Variants in ZMIZ1 observed in about 807,000 individuals in gnomAD.
ZMIZ1 encodes the protein zinc finger MIZ-type containing 1.
In ZMIZ1, 17 loss-of-function variants were observed where a neutral mutation model predicts 113.9. The ratio of observed to expected loss-of-function variants is 0.15; its 90% CI spans 0.10 to 0.22. ZMIZ1 has a LOEUF of 0.22. Among genes scored for constraint, ZMIZ1 ranks in the 10% least tolerant of loss-of-function variants. ZMIZ1 has a pLI of 1.00. For missense variants in ZMIZ1, 1,059 were observed against 1,477.8 expected, an observed-to-expected ratio of 0.72 and a Z score of 4.65; for synonymous variants, 607 against 603.1, an observed-to-expected ratio of 1.01 and a Z score of -0.09.
chr10:79,300,582 A>C, intron 16 of ZMIZ1, 150 bp from the exon 17 acceptor site: 2 of 1,019,372 alleles, frequency 2.0e-6, no homozygotes, highest in Non-Finnish European at 2.8e-6. Flanking sequence ...AGGAGAACTC[A>C]GGCTGGGGGA....
chr10:79,147,983 C>T (rs11591689), intron 3 of ZMIZ1, among the ~76,000 whole-genome samples: 29,527 of 152,172 alleles, frequency 0.19, 3,136 homozygotes, highest in Non-Finnish European at 0.23. Flanking sequence ...AGGCCTTCAT[C>T]GAGGTTTGTC....
rs771063014 is a variant in ZMIZ1 at position 79,299,156 on chromosome 10, C to T, written c.1773C>T (p.His591=). ...HNLAVSNHVF[H]LRPTVHQTLM... is the part of the protein sequence containing the mutation. Reference sequence around the variant, plus strand: ...TGGCGGTCAGCAACCATGTGTTCCACCTGCGGCCCACGGTCCACCAGACGC... The same window carrying T: ...TGGCGGTCAGCAACCATGTGTTCCATCTGCGGCCCACGGTCCACCAGACGC... The change falls in exon 16 of 25, where the codon CAC becomes CAT. Residue 591 remains histidine, a synonymous_variant. Transcript: ENST00000334512. The T allele has an allele frequency of 6.2e-7, 1 of 1,609,912 alleles. No individual in the cohort carries two copies. Among genetic ancestry groups the T allele is most frequent in the Non-Finnish European group, 8.5e-7 (1 of 1,179,804 alleles).
intron 4 of ZMIZ1, among the ~76,000 whole-genome samples, chr10:79,167,984 G>C (rs1846428319): frequency 6.6e-6 from 1 of 152,142 alleles, no homozygotes; most frequent in Admixed American, 6.5e-5. Flanking sequence ...TTACTCCCCA[G>C]AGCCTGGCCC....
At chr10:79,252,467 CT>C (rs917457934) in intron 7 of ZMIZ1, among the ~76,000 whole-genome samples, 1 of 152,120 alleles carries the variant, frequency 6.6e-6, no homozygotes, top group African/African-American at 2.4e-5. Context: ...ATGGTACCCC[CT>C]GGGCTCTTAC....
At chr10:79,088,898 C>T (rs1360793446) in intron 1 of ZMIZ1, among the ~76,000 whole-genome samples, 1 of 152,206 alleles carries the variant, frequency 6.6e-6, no homozygotes, top group Admixed American at 6.5e-5. Flanking sequence ...ACTGTCGCAG[C>T]ACCCCTCTGA....
chr10:79,160,416 G>T (rs1251546199), intron 3 of ZMIZ1, among the ~76,000 whole-genome samples: 2 of 152,244 alleles, frequency 1.3e-5, no homozygotes, highest in East Asian at 3.8e-4. Context: ...GGTCATCCAT[G>T]CATCAGCTGA....
intron 3 of ZMIZ1, among the ~76,000 whole-genome samples, chr10:79,154,251 C>G (rs764341918): frequency 6.6e-6 from 1 of 152,136 alleles, no homozygotes; most frequent in Non-Finnish European, 1.5e-5. Flanking sequence ...GTGTCCCCTT[C>G]TCTGTAGGGT....
At chr10:79,144,150 C>G (rs1017695879) in intron 3 of ZMIZ1, among the ~76,000 whole-genome samples, 4 of 152,186 alleles carry the variant, frequency 2.6e-5, no homozygotes, top group Non-Finnish European at 4.4e-5. Flanking sequence ...TTTCTTTAAG[C>G]CTGTCCCTAT....
chr10:79,304,743 T>C (rs1406197745), intron 19 of ZMIZ1, among the ~76,000 whole-genome samples: 1 of 152,190 alleles, frequency 6.6e-6, no homozygotes, highest in Non-Finnish European at 1.5e-5. Context: ...CAAAGAATGC[T>C]GTGGGCAAGA....
At chr10:79,256,102 C>T (rs1850884589) in intron 7 of ZMIZ1, among the ~76,000 whole-genome samples, 1 of 152,228 alleles carries the variant, frequency 6.6e-6, no homozygotes, top group South Asian at 2.1e-4. Flanking sequence ...CTGCCTGCCA[C>T]CTTCCTCCCC....
At chr10:79,276,036 G>T (rs1165682876) in intron 7 of ZMIZ1, among the ~76,000 whole-genome samples, 1 of 152,094 alleles carries the variant, frequency 6.6e-6, no homozygotes, top group Admixed American at 6.5e-5. Context: ...CTTCCATAAC[G>T]CTCAGGTCAC....
At chr10:79,130,218 A>G (rs997151939) in intron 2 of ZMIZ1, among the ~76,000 whole-genome samples, 1 of 151,964 alleles carries the variant, frequency 6.6e-6, no homozygotes, top group Non-Finnish European at 1.5e-5. Flanking sequence ...TTCCCCCATC[A>G]CCTTGCATAA....
At chr10:79,303,078 T>C (rs1854436355) in intron 18 of ZMIZ1, among the ~76,000 whole-genome samples, 1 of 151,856 alleles carries the variant, frequency 6.6e-6, no homozygotes, top group African/African-American at 2.4e-5. Flanking sequence ...GCCAGGATGG[T>C]CACAATCTCC....
chr10:79,269,171 G>A lies in ZMIZ1; in HGVS notation c.281-8010G>A, dbSNP rs35895542. Reference sequence around the variant, plus strand: ...GCAGCTCCCATGCCCAGTCTCCCCCGCTGCGGAGTGGCGCCACTCTCACTG... The same window carrying A: ...GCAGCTCCCATGCCCAGTCTCCCCCACTGCGGAGTGGCGCCACTCTCACTG... On this transcript the variant is annotated intron_variant, in intron 7 of 24. Coordinates refer to ENST00000334512, the MANE Select transcript of ZMIZ1 (RefSeq NM_020338.4). 2.5e-3 allele frequency among the ~76,000 whole-genome samples: 385 copies of A among 152,210 alleles called. 1 individual carries two copies. The highest frequency in any genetic ancestry group is 4.2e-3 in the Non-Finnish European group (288 of 67,992).
At chr10:79,167,007 T>C (rs703993) in intron 4 of ZMIZ1, among the ~76,000 whole-genome samples, 122,186 of 152,260 alleles carry the variant, frequency 0.8, 49,533 homozygotes, top group African/African-American at 0.89. Flanking sequence ...GGCTCCACCG[T>C]GCTGCCCCCC....
chr10:79,113,963 G>T, intron 1 of ZMIZ1, among the ~76,000 whole-genome samples: 1 of 152,216 alleles, frequency 6.6e-6, no homozygotes, highest in East Asian at 1.9e-4. Context: ...TGAAGGCGGT[G>T]CTGGAGTCTC....
chr10:79,092,212 G>A (rs1843004273), intron 1 of ZMIZ1, among the ~76,000 whole-genome samples: 1 of 152,222 alleles, frequency 6.6e-6, no homozygotes, highest in Non-Finnish European at 1.5e-5. Flanking sequence ...GCTGTGAGGA[G>A]TGCTGGAGAC....
chr10:79,190,700 C>CA (rs1847562743), intron 4 of ZMIZ1, among the ~76,000 whole-genome samples: 1 of 152,186 alleles, frequency 6.6e-6, no homozygotes, highest in African/African-American at 2.4e-5. Context: ...ATCACCTACC[C>CA]ACTCAGAGCC....
chr10:79,265,394 G>C (rs1191762998), intron 7 of ZMIZ1, among the ~76,000 whole-genome samples: 2 of 152,050 alleles, frequency 1.3e-5, no homozygotes, highest in Non-Finnish European at 2.9e-5. Flanking sequence ...GTGGGGACCG[G>C]GGGTGGGGGC....
Sources: gnomAD v4.1 joint callset for allele counts (sites outside exome capture counted in the v4.1 genomes callset) on GRCh38, gnomAD v4.1.1 for gene constraint, MANE v1.5 for transcripts, NCBI Gene and HGNC (gene_info 2026-07-23, HGNC 2026-07-21) for gene names.